CELF4: variants seen among roughly 807,000 people sequenced by gnomAD.
CELF4 encodes CUGBP Elav-like family member 4.
A neutral mutation model predicts 59.9 loss-of-function variants in CELF4; 18 were observed. That is an observed-to-expected ratio of 0.30 (90% CI 0.21 to 0.45). CELF4 has a LOEUF of 0.45. Ranked by LOEUF, CELF4 falls within the 20% of genes least tolerant of loss-of-function variation. The pLI is 1.00. For missense variants in CELF4, 456 were observed against 689.0 expected, an observed-to-expected ratio of 0.66 and a Z score of 3.79; for synonymous variants, 261 against 267.1, an observed-to-expected ratio of 0.98 and a Z score of 0.22.
Position 37,447,182 on chromosome 18 carries a change from G to A in CELF4, c.369+38343C>T, listed in dbSNP as rs962125519. Among the ~76,000 whole-genome samples the A allele has an allele frequency of 5.9e-5, 9 of 152,310 alleles. 1 individual carries two copies. Among genetic ancestry groups the A allele is most frequent in the East Asian group, 1.9e-4 (1 of 5,178 alleles). On this transcript the variant is annotated intron_variant, in intron 2 of 12. Coordinates refer to ENST00000420428, the MANE Select transcript of CELF4 (RefSeq NM_020180.4). The stretch of plus-strand genomic sequence containing the variant: ...CACAGTGGGTGCCTGTGCAGCCAAC[G>A]GGCCAAGGGCTCTGGAGCCCAGAAG...
intron 2 of CELF4, among the ~76,000 whole-genome samples, chr18:37,363,275 T>C (rs1421078300): frequency 1.3e-5 from 2 of 152,180 alleles, no homozygotes; most frequent in African/African-American, 4.8e-5. Context: ...GGAAGAGAAC[T>C]TCCCATCAAG....
At chr18:37,452,913 A>G (rs914938841) in intron 2 of CELF4, among the ~76,000 whole-genome samples, 3 of 152,028 alleles carry the variant, frequency 2.0e-5, no homozygotes, top group African/African-American at 7.2e-5. Flanking sequence ...TCACACCCCA[A>G]GGGAGTTGAA....
chr18:37,348,316 TG>T, intron 2 of CELF4, among the ~76,000 whole-genome samples: 1 of 152,274 alleles, frequency 6.6e-6, no homozygotes, highest in East Asian at 1.9e-4. Flanking sequence ...AAAAGCCTCC[TG>T]GGCCAGAGCA....
intron 2 of CELF4, among the ~76,000 whole-genome samples, chr18:37,409,125 A>T (rs533309956): frequency 3.1e-3 from 470 of 152,162 alleles, no homozygotes; most frequent in Non-Finnish European, 5.8e-3. Context: ...TGACCTACAT[A>T]CTCATGTGCT....
At chr18:37,453,631 G>A (rs960891645) in intron 2 of CELF4, among the ~76,000 whole-genome samples, 91 of 152,174 alleles carry the variant, frequency 6.0e-4, no homozygotes, top group African/African-American at 2.1e-3. Flanking sequence ...AGGAGCAATG[G>A]CAAGGAGGTG....
At position 37,350,839 on chromosome 18, in the gene CELF4, C is replaced by T. The variant is rs2098423396; in HGVS notation, c.370-28958G>A. 6.6e-5 allele frequency among the ~76,000 whole-genome samples: 10 copies of T among 152,276 alleles called. No individual in the cohort carries two copies. The South Asian group carries it at 2.1e-3, about 32-fold the overall frequency. On this transcript the variant is annotated intron_variant, in intron 2 of 12. Transcript: ENST00000420428. ...GTTCCAGGGCTCATGGTGCATCTGG[C>T]CTGAAGTCCTGAGGGTCACCAAGAG...
intron 2 of CELF4, among the ~76,000 whole-genome samples, chr18:37,463,104 C>T (rs185126941): frequency 6.6e-5 from 10 of 152,302 alleles, no homozygotes; most frequent in Middle Eastern, 3.4e-3. Context: ...GAACCTTCTC[C>T]ATGAGGACAG....
At chr18:37,559,494 C>A (rs2099985904) in intron 1 of CELF4, among the ~76,000 whole-genome samples, 1 of 152,152 alleles carries the variant, frequency 6.6e-6, no homozygotes, top group East Asian at 1.9e-4. Context: ...TTCTAGCTGG[C>A]ATTTTGACCC....
intron 2 of CELF4, among the ~76,000 whole-genome samples, chr18:37,395,199 T>C (rs2099228268): frequency 1.3e-5 from 2 of 152,100 alleles, no homozygotes; most frequent in Non-Finnish European, 2.9e-5. Flanking sequence ...AGAGGCTCAC[T>C]TTCTCCTGCA....
chr18:37,425,583 G>C (rs765921345), intron 2 of CELF4, among the ~76,000 whole-genome samples: 6 of 152,242 alleles, frequency 3.9e-5, no homozygotes, highest in Non-Finnish European at 8.8e-5. Flanking sequence ...AGAGTGCACT[G>C]CCTTTCTATT....
intron 3 of CELF4, among the ~76,000 whole-genome samples, chr18:37,291,885 G>A (rs2095357409): frequency 6.6e-6 from 1 of 152,100 alleles, no homozygotes; most frequent in Admixed American, 6.5e-5. Flanking sequence ...CAAGGCCTGT[G>A]TTCCCTGCTG....
At chr18:37,544,202 C>T (rs1442383633) in intron 1 of CELF4, among the ~76,000 whole-genome samples, 2 of 150,620 alleles carry the variant, frequency 1.3e-5, no homozygotes, top group East Asian at 3.9e-4. Flanking sequence ...ATCTCAGGCT[C>T]ACTATGTTTC....
intron 2 of CELF4, among the ~76,000 whole-genome samples, chr18:37,357,838 T>C (rs556035417): frequency 6.6e-6 from 1 of 152,356 alleles, no homozygotes; most frequent in South Asian, 2.1e-4. Context: ...AAGATTTGAC[T>C]GTCCCACTGG....
rs1300133217 is a variant in CELF4 at position 37,339,753 on chromosome 18, C to CAA, written c.370-17874_370-17873dup. ...TGGGTGACAGACTGAGACTCTGTCTCAAAAAAAAAAAAAAAAAGGCCTGGG... is the reference window on the plus strand; with the variant it reads ...TGGGTGACAGACTGAGACTCTGTCTCAAAAAAAAAAAAAAAAAAAGGCCTGGG... On this transcript the variant is annotated intron_variant, in intron 2 of 12. Coordinates refer to ENST00000420428, the MANE Select transcript of CELF4 (RefSeq NM_020180.4). Among the ~76,000 whole-genome samples, 187 of 69,380 alleles carry CAA rather than the reference C, an allele frequency of 2.7e-3. 1 individual carries two copies. Among genetic ancestry groups the CAA allele is most frequent in the African/African-American group, 9.0e-3 (172 of 19,092 alleles). The allele number at this position is 69,380 out of a possible 152,430, so 45.5% of individuals were successfully genotyped here. A position where few individuals can be genotyped will look rare whatever the true frequency, so the allele number is the denominator to read the frequency against.
At chr18:37,538,100 T>C (rs907338757) in intron 1 of CELF4, among the ~76,000 whole-genome samples, 1 of 152,190 alleles carries the variant, frequency 6.6e-6, no homozygotes, top group Non-Finnish European at 1.5e-5. Flanking sequence ...TCTCGCCGCA[T>C]CGGGCGGACC....
intron 3 of CELF4, among the ~76,000 whole-genome samples, chr18:37,290,750 T>C (rs1273461634): frequency 6.6e-6 from 1 of 152,168 alleles, no homozygotes; most frequent in African/African-American, 2.4e-5. Flanking sequence ...ATCCTTTGAT[T>C]CGACTAAGAT....
At chr18:37,372,612 C>A (rs371490969) in intron 2 of CELF4, among the ~76,000 whole-genome samples, 1 of 151,340 alleles carries the variant, frequency 6.6e-6, no homozygotes, top group Non-Finnish European at 1.5e-5. Context: ...GCACATGTAC[C>A]CTAGAACTTA....
intron 1 of CELF4, among the ~76,000 whole-genome samples, chr18:37,490,427 G>T (rs1182265935): frequency 1.3e-5 from 2 of 152,208 alleles, no homozygotes; most frequent in Non-Finnish European, 2.9e-5. Flanking sequence ...TGAAAAGGAG[G>T]TGGGTGAGAA....
At chr18:37,322,058 C>T (rs1050412304) in intron 2 of CELF4, among the ~76,000 whole-genome samples, 177 bp from the exon 3 acceptor site, 5 of 152,224 alleles carry the variant, frequency 3.3e-5, no homozygotes, top group East Asian at 1.9e-4. Context: ...CGTCTCCCCT[C>T]GACGGCACGG....
Sources: allele counts gnomAD v4.1 joint callset (sites outside exome capture counted in the v4.1 genomes callset), GRCh38; gene constraint gnomAD v4.1.1; transcripts MANE v1.5; gene names NCBI Gene and HGNC (gene_info 2026-07-23, HGNC 2026-07-21).